NRXN3: variants seen among roughly 807,000 people sequenced by gnomAD.
The protein encoded by NRXN3 is neurexin 3.
NRXN3 carries 32 observed loss-of-function variants against 137.6 expected under a neutral mutation model. The ratio of observed to expected loss-of-function variants is 0.23; its 90% CI spans 0.18 to 0.31. The LOEUF is 0.31. Ranked by LOEUF, NRXN3 falls within the 10% of genes least tolerant of loss-of-function variation. The pLI, the probability that NRXN3 is intolerant of heterozygous loss-of-function variation, is 1.00. For missense variants in NRXN3, 1,574 were observed against 2,062.5 expected (o/e 0.76, Z 4.59); for synonymous variants, 798 against 784.5 (o/e 1.02, Z -0.29).
chr14:79,503,961 T>C (rs1040910409), intron 16 of NRXN3, among the ~76,000 whole-genome samples: 3 of 152,228 alleles, frequency 2.0e-5, no homozygotes, highest in Non-Finnish European at 4.4e-5. Flanking sequence ...TTATTTCCTT[T>C]GTGAATATCA....
chr14:78,402,541 GA>G (rs1226197654), intron 4 of NRXN3, among the ~76,000 whole-genome samples: 2 of 152,184 alleles, frequency 1.3e-5, no homozygotes, highest in Non-Finnish European at 2.9e-5. Flanking sequence ...GTATATAGCA[GA>G]GGAGTAAAGT....
At chr14:78,735,905 C>A (rs180737103) in intron 8 of NRXN3, among the ~76,000 whole-genome samples, 1 of 152,212 alleles carries the variant, frequency 6.6e-6, no homozygotes, top group East Asian at 1.9e-4. Flanking sequence ...TCTAAGACAT[C>A]CCCATTAGAT....
chr14:79,457,996 C>A (rs1427313851), intron 15 of NRXN3, among the ~76,000 whole-genome samples: 1 of 151,976 alleles, frequency 6.6e-6, no homozygotes, highest in African/African-American at 2.4e-5. Context: ...TTTTGTTTTT[C>A]CTTTATTCAT....
In NRXN3 at chr14:79,658,630, T is replaced by C. The variant is rs144772488; in HGVS notation, c.3445-5148T>C. The stretch of plus-strand genomic sequence containing the variant: ...CTACAACCCTATAATGGAGGAGAAC[T>C]AGGAAAGTGTGGTAAACAGTGCCGC... On this transcript the variant is annotated intron_variant, in intron 16 of 20. Transcript: ENST00000335750. Among the ~76,000 whole-genome samples the C allele has an allele frequency of 7.9e-5, 12 of 152,258 alleles. No individual in the cohort carries two copies. The East Asian group carries it at 2.3e-3, about 29-fold the overall frequency.
chr14:78,241,767 C>G (rs1389317230), intron 1 of NRXN3, among the ~76,000 whole-genome samples: 1 of 151,850 alleles, frequency 6.6e-6, no homozygotes, highest in East Asian at 1.9e-4. Context: ...TCTCAAAGTG[C>G]CACATACAGG....
chr14:79,033,316 T>G (rs1396547942), intron 15 of NRXN3, among the ~76,000 whole-genome samples: 4 of 152,176 alleles, frequency 2.6e-5, no homozygotes, highest in Admixed American at 1.3e-4. Flanking sequence ...AACTCAGCTC[T>G]GTTTGTCTTT....
intron 16 of NRXN3, among the ~76,000 whole-genome samples, chr14:79,553,552 C>T (rs558782309): frequency 1.5e-4 from 23 of 152,246 alleles, no homozygotes; most frequent in African/African-American, 4.8e-4. Context: ...ACTACATGCA[C>T]GCACTCATTT....
At chr14:78,680,844 C>G (rs1198879526) in intron 6 of NRXN3, among the ~76,000 whole-genome samples, 1 of 152,150 alleles carries the variant, frequency 6.6e-6, no homozygotes, top group Non-Finnish European at 1.5e-5. Flanking sequence ...AGCATGTCTA[C>G]AATCTGAGGA....
chr14:78,873,345 A>G (rs772018050), intron 10 of NRXN3, among the ~76,000 whole-genome samples: 10 of 152,220 alleles, frequency 6.6e-5, no homozygotes, highest in Non-Finnish European at 7.3e-5. Context: ...AGGATTTTGA[A>G]AGAAAATACA....
chr14:78,446,327 A>G (rs968572813), intron 4 of NRXN3, among the ~76,000 whole-genome samples: 8 of 152,232 alleles, frequency 5.3e-5, no homozygotes, highest in Admixed American at 3.9e-4. Context: ...AAAAAAGACC[A>G]AAGATACACA....
chr14:79,202,816 A>G (rs950615726), intron 15 of NRXN3, among the ~76,000 whole-genome samples: 34 of 152,218 alleles, frequency 2.2e-4, no homozygotes, highest in African/African-American at 7.5e-4. Context: ...AATTTTTGCA[A>G]TTGTGAGTTG....
At chr14:79,429,544 A>G (rs560609521) in intron 15 of NRXN3, among the ~76,000 whole-genome samples, 1 of 152,322 alleles carries the variant, frequency 6.6e-6, no homozygotes, top group Admixed American at 6.5e-5. Flanking sequence ...ACATAATATA[A>G]TTTCATAAAG....
chr14:79,481,423 A>G (rs1468596437), intron 16 of NRXN3, among the ~76,000 whole-genome samples: 1 of 152,188 alleles, frequency 6.6e-6, no homozygotes, highest in Admixed American at 6.6e-5. Flanking sequence ...GTGTACTTAC[A>G]CAAACCTAGA....
At chr14:79,209,385 T>G (rs1268826193) in intron 15 of NRXN3, among the ~76,000 whole-genome samples, 3 of 152,108 alleles carry the variant, frequency 2.0e-5, no homozygotes, top group African/African-American at 4.8e-5. Flanking sequence ...TCAGTCTGTC[T>G]ATAATGCACT....
chr14:78,834,621 A>G (rs193254066), intron 10 of NRXN3, among the ~76,000 whole-genome samples: 4 of 152,266 alleles, frequency 2.6e-5, no homozygotes, highest in African/African-American at 7.2e-5. Flanking sequence ...TCCTTTTTAA[A>G]CATACCACTG....
At chr14:79,059,250 CTTTTTTTTTTTTTT>C (rs869266975) in intron 15 of NRXN3, among the ~76,000 whole-genome samples, 1 of 78,318 alleles carries the variant, frequency 1.3e-5, no homozygotes, top group Non-Finnish European at 2.5e-5. Flanking sequence ...AGGCCCTATT[CTTTTTTTTTTTTTT>C]TTTTTTTTTT....
In NRXN3 at chr14:79,709,230, A is replaced by T. The variant is rs1302771103; in HGVS notation, c.4014+11293A>T. 2.0e-5 allele frequency among the ~76,000 whole-genome samples: 3 copies of T among 152,290 alleles called. No individual in the cohort carries two copies. In the East Asian group the frequency reaches 5.8e-4, roughly 29 times the overall value. On this transcript the variant is annotated intron_variant, in intron 19 of 20. Transcript: ENST00000335750. ...TAGAGCAAGGCTCTAGGAAATATTT[A>T]CGGTTCCTTGCTGAGTAATCATGGT...
chr14:79,300,256 AGT>A (rs2153222986), intron 15 of NRXN3, among the ~76,000 whole-genome samples: 1 of 152,232 alleles, frequency 6.6e-6, no homozygotes, highest in East Asian at 1.9e-4. Context: ...CTAATTGCAC[AGT>A]GTGCTTTCTA....
intron 8 of NRXN3, among the ~76,000 whole-genome samples, chr14:78,760,551 G>A (rs911161681): frequency 6.7e-6 from 1 of 149,980 alleles, no homozygotes; most frequent in Non-Finnish European, 1.5e-5. Context: ...TGATTTGTTA[G>A]TGATAAATGG....
Sources: gnomAD v4.1 joint callset for allele counts (sites outside exome capture counted in the v4.1 genomes callset) on GRCh38, gnomAD v4.1.1 for gene constraint, MANE v1.5 for transcripts, NCBI Gene and HGNC (gene_info 2026-07-23, HGNC 2026-07-21) for gene names.